VAV3: variants seen among roughly 807,000 people sequenced by gnomAD.
The protein encoded by VAV3 is vav guanine nucleotide exchange factor 3.
In VAV3, 94 loss-of-function variants were observed where a neutral mutation model predicts 131.2. The observed-to-expected ratio is 0.72, with a 90% CI of 0.61 to 0.85. VAV3 has a LOEUF of 0.85. VAV3 is among the 40% of genes least tolerant of loss of function. VAV3 has a pLI of 0.00. For synonymous variants in VAV3, 349 were observed against 342.0 expected, an observed-to-expected ratio of 1.02 and a Z score of -0.22; for missense variants, 939 against 1,002.7, an observed-to-expected ratio of 0.94 and a Z score of 0.86.
chr1:107,789,638 G>C (rs1043394660), intron 2 of VAV3, among the ~76,000 whole-genome samples: 3 of 152,180 alleles, frequency 2.0e-5, no homozygotes, highest in Admixed American at 2.0e-4. Context: ...ATGAATTCAT[G>C]ATGTAAGAAA....
In VAV3 at chr1:107,874,966, A is replaced by T. The variant is rs1208405978; in HGVS notation, c.256T>A (p.Phe86Ile). 1.2e-6 allele frequency: 2 copies of T among 1,613,308 alleles called. No homozygotes were observed. Among genetic ancestry groups the T allele is most frequent in the Non-Finnish European group, 1.7e-6 (2 of 1,179,562 alleles). The change falls in exon 2 of 27, where the codon TTT (phenylalanine) becomes ATT (isoleucine). Residue 86 changes from phenylalanine to isoleucine, a missense_variant. Transcript: ENST00000370056. The part of the protein sequence containing the change: ...RTFLTACCET[F>I]GMRKSELFEA... Reference sequence around the variant, plus strand: ...AAAAGTTCACTTTTCCTCATTCCAAACGTCTCACAACAGGCCGTGAGAAAT... The same window carrying T: ...AAAAGTTCACTTTTCCTCATTCCAATCGTCTCACAACAGGCCGTGAGAAAT...
chr1:107,623,939 C>T (rs1653796500), intron 20 of VAV3, among the ~76,000 whole-genome samples: 1 of 152,186 alleles, frequency 6.6e-6, no homozygotes, highest in Admixed American at 6.5e-5. Flanking sequence ...AAACTCATAC[C>T]TTGGTCTAGG....
chr1:107,839,982 C>T (rs1668625867), intron 2 of VAV3, among the ~76,000 whole-genome samples: 1 of 152,036 alleles, frequency 6.6e-6, no homozygotes, highest in African/African-American at 2.4e-5. Flanking sequence ...TAGATAATAC[C>T]AACAGACCTG....
chr1:107,884,784 A>T (rs1670954392), intron 1 of VAV3, among the ~76,000 whole-genome samples: 1 of 152,074 alleles, frequency 6.6e-6, no homozygotes. Context: ...AAATATAAAA[A>T]TTTTTAAAAA....
intron 2 of VAV3, among the ~76,000 whole-genome samples, chr1:107,825,326 A>G (rs1281377189): frequency 2.0e-5 from 3 of 152,130 alleles, no homozygotes; most frequent in Non-Finnish European, 4.4e-5. Flanking sequence ...CCTTTTCTAC[A>G]GGTTTTAATT....
At chr1:107,724,627 G>T (rs963017281) in intron 15 of VAV3, among the ~76,000 whole-genome samples, 1 of 152,096 alleles carries the variant, frequency 6.6e-6, no homozygotes, top group East Asian at 1.9e-4. Context: ...AGTATAGGAT[G>T]GGGGGTGGCA....
At chr1:107,635,759 T>A (rs1026200518) in intron 20 of VAV3, among the ~76,000 whole-genome samples, 1 of 152,064 alleles carries the variant, frequency 6.6e-6, no homozygotes, top group Non-Finnish European at 1.5e-5. Flanking sequence ...GTGCATGAAG[T>A]TTAGGAAGGC....
At chr1:107,650,802 C>G (rs1291524661) in intron 19 of VAV3, among the ~76,000 whole-genome samples, 1 of 147,088 alleles carries the variant, frequency 6.8e-6, no homozygotes, top group South Asian at 2.1e-4. Context: ...TGAGTGAGAA[C>G]ATGCGGTGTT....
intron 1 of VAV3, among the ~76,000 whole-genome samples, chr1:107,954,199 C>T (rs1407678171): frequency 1.3e-5 from 2 of 152,122 alleles, no homozygotes; most frequent in African/African-American, 2.4e-5. Flanking sequence ...TGTGAATTTA[C>T]AAAAAGAATA....
chr1:107,590,776 T>C (rs527665631), intron 25 of VAV3, among the ~76,000 whole-genome samples: 1 of 152,272 alleles, frequency 6.6e-6, no homozygotes, highest in African/African-American at 2.4e-5. Flanking sequence ...CTCTAAGATA[T>C]ACGCAAACCT....
At chr1:107,651,542 A>AAGGG (rs71098642) in intron 19 of VAV3, among the ~76,000 whole-genome samples, 21,544 of 132,488 alleles carry the variant, frequency 0.16, 1,981 homozygotes, top group Middle Eastern at 0.23. Context: ...CAAAGTAAGG[A>AAGGG]AGGGAGGGAG....
chr1:107,765,236 A>T, intron 8 of VAV3, 61 bp from the exon 9 acceptor site: 1 of 1,270,456 alleles, frequency 7.9e-7, no homozygotes, highest in Non-Finnish European at 1.1e-6. Context: ...CTGGAGGGGG[A>T]AACAAGCAGA....
chr1:107,618,685 C>T (rs916808649), intron 20 of VAV3, among the ~76,000 whole-genome samples: 4 of 152,096 alleles, frequency 2.6e-5, no homozygotes, highest in African/African-American at 7.2e-5. Flanking sequence ...AAATGAGACA[C>T]AGAGAAAGTA....
intron 12 of VAV3, 87 bp downstream of exon 12, chr1:107,755,340 G>T: frequency 1.9e-6 from 2 of 1,041,626 alleles, no homozygotes; most frequent in East Asian, 2.5e-5. Context: ...GAAACTTGAA[G>T]GTAAACTATG....
At chr1:107,798,807 T>C (rs11579299) in intron 2 of VAV3, among the ~76,000 whole-genome samples, 15,175 of 151,366 alleles carry the variant, frequency 0.1, 888 homozygotes, top group Non-Finnish European at 0.13. Flanking sequence ...GCTATGAAAT[T>C]GCGCTTTTCT....
intron 1 of VAV3, among the ~76,000 whole-genome samples, chr1:107,878,059 A>T (rs1670590103): frequency 6.6e-6 from 1 of 152,130 alleles, no homozygotes; most frequent in Non-Finnish European, 1.5e-5. Flanking sequence ...TGAATTTCAG[A>T]ACAAAAGTTG....
At chr1:107,848,521 A>T (rs566172230) in intron 2 of VAV3, among the ~76,000 whole-genome samples, 3 of 152,258 alleles carry the variant, frequency 2.0e-5, no homozygotes, top group East Asian at 3.9e-4. Flanking sequence ...GCCTTTGATA[A>T]AATTCAACAC....
At chr1:107,717,584 T>C (rs1661187394) in intron 15 of VAV3, among the ~76,000 whole-genome samples, 1 of 152,234 alleles carries the variant, frequency 6.6e-6, no homozygotes, top group African/African-American at 2.4e-5. Context: ...CTAATTTGAT[T>C]GCACTGTGGT....
intron 15 of VAV3, among the ~76,000 whole-genome samples, chr1:107,715,859 T>G (rs950907099): frequency 6.6e-6 from 1 of 152,178 alleles, no homozygotes; most frequent in Non-Finnish European, 1.5e-5. Flanking sequence ...GAATTAGGAA[T>G]GCTGAGCTGG....
Sources: allele counts gnomAD v4.1 joint callset (sites outside exome capture counted in the v4.1 genomes callset), GRCh38; gene constraint gnomAD v4.1.1; transcripts MANE v1.5; gene names NCBI Gene and HGNC (gene_info 2026-07-23, HGNC 2026-07-21).